PTPRO: variants seen among roughly 807,000 people sequenced by gnomAD.
PTPRO encodes the protein receptor-type tyrosine-protein phosphatase O.
A neutral mutation model predicts 145.2 loss-of-function variants in PTPRO; 62 were observed. That is an observed-to-expected ratio of 0.43 (90% CI 0.35 to 0.53). PTPRO has a LOEUF of 0.53. Ranked by LOEUF, PTPRO falls within the 20% of genes least tolerant of loss-of-function variation. The pLI, the probability that PTPRO is intolerant of heterozygous loss-of-function variation, is 0.01. For missense variants in PTPRO, 1,345 were observed against 1,482.7 expected, an observed-to-expected ratio of 0.91 and a Z score of 1.53; for synonymous variants, 565 against 514.7, an observed-to-expected ratio of 1.10 and a Z score of -1.32.
At chr12:15,367,606 G>A (rs933363431) in intron 1 of PTPRO, among the ~76,000 whole-genome samples, 11 of 152,144 alleles carry the variant, frequency 7.2e-5, no homozygotes, top group African/African-American at 2.7e-4. Flanking sequence ...CCACTTAAAT[G>A]TCTAATAGAT....
In PTPRO at chr12:15,418,807, T is replaced by C. The variant is rs533484528; in HGVS notation, c.76-65167T>C. Among the ~76,000 whole-genome samples, 61 of 151,846 alleles carry C rather than the reference T, an allele frequency of 4.0e-4. 3 individuals are homozygous for C. The highest frequency in any genetic ancestry group is 6.6e-4 in the Non-Finnish European group (45 of 68,030). On this transcript the variant is annotated intron_variant, in intron 1 of 26. Coordinates refer to ENST00000281171, the MANE Select transcript of PTPRO (RefSeq NM_030667.3). Reference sequence around the variant, plus strand: ...AGATTCTTACTTTAACATCTTTTTTTTCCCCTAAGCCTAATGTGCTTCCAA... The same window carrying C: ...AGATTCTTACTTTAACATCTTTTTTCTCCCCTAAGCCTAATGTGCTTCCAA...
At chr12:15,546,290 AC>A (rs1943286801) in intron 12 of PTPRO, 1 of 1,187,124 alleles carries the variant, frequency 8.4e-7, no homozygotes, top group Non-Finnish European at 1.1e-6. Flanking sequence ...TGACACAGAA[AC>A]TATTAATAGA....
chr12:15,508,099 T>C (rs1443571946), intron 6 of PTPRO, among the ~76,000 whole-genome samples: 2 of 152,168 alleles, frequency 1.3e-5, no homozygotes, highest in Non-Finnish European at 2.9e-5. Context: ...TCTAATATAA[T>C]CACAGCCTGC....
chr12:15,550,961 C>T (rs1478648654), intron 14 of PTPRO, among the ~76,000 whole-genome samples: 2 of 152,182 alleles, frequency 1.3e-5, no homozygotes, highest in African/African-American at 4.8e-5. Context: ...GCCCTACAAC[C>T]TATTAATAGG....
At chr12:15,472,978 C>A (rs1356674730) in intron 1 of PTPRO, among the ~76,000 whole-genome samples, 2 of 152,290 alleles carry the variant, frequency 1.3e-5, no homozygotes, top group Middle Eastern at 3.4e-3. Flanking sequence ...TGGCTTAGTC[C>A]ACATGAGCAT....
intron 1 of PTPRO, among the ~76,000 whole-genome samples, chr12:15,339,428 A>C (rs1866893907): frequency 6.6e-6 from 1 of 152,196 alleles, no homozygotes; most frequent in African/African-American, 2.4e-5. Flanking sequence ...GAAACATTAA[A>C]ATGAGCTTTA....
At chr12:15,526,087 G>A in intron 11 of PTPRO, 55 bp from the exon 12 acceptor site, 6 of 1,610,248 alleles carry the variant, frequency 3.7e-6, no homozygotes, top group Non-Finnish European at 5.1e-6. Flanking sequence ...TGTTTGGGGT[G>A]GTGCACTGAT....
intron 1 of PTPRO, among the ~76,000 whole-genome samples, chr12:15,435,928 A>C (rs952751642): frequency 6.6e-6 from 1 of 152,220 alleles, no homozygotes; most frequent in African/African-American, 2.4e-5. Flanking sequence ...TACTTTTTAA[A>C]CTATCTGTGG....
At chr12:15,434,344 C>A (rs989144610) in intron 1 of PTPRO, among the ~76,000 whole-genome samples, 1 of 152,272 alleles carries the variant, frequency 6.6e-6, no homozygotes, top group Non-Finnish European at 1.5e-5. Context: ...TTTTCATACA[C>A]AAGCCACAGA....
intron 12 of PTPRO, among the ~76,000 whole-genome samples, chr12:15,539,904 AAATATTTGCCTG>A (rs2135537640): frequency 6.6e-6 from 1 of 150,862 alleles, no homozygotes; most frequent in South Asian, 2.1e-4. Flanking sequence ...TTCAGGTGCT[AAATATTTGCCTG>A]AATTTTTTTT....
chr12:15,559,398 T>C (rs763506689), intron 16 of PTPRO, among the ~76,000 whole-genome samples: 1 of 152,178 alleles, frequency 6.6e-6, no homozygotes, highest in Non-Finnish European at 1.5e-5. Flanking sequence ...AGAATAACTA[T>C]AGATGCAGTC....
intron 1 of PTPRO, among the ~76,000 whole-genome samples, chr12:15,440,992 C>A (rs1381169425): frequency 6.6e-6 from 1 of 152,182 alleles, no homozygotes; most frequent in Non-Finnish European, 1.5e-5. Flanking sequence ...TGAACTTAAA[C>A]TCAACACTTG....
chr12:15,468,313 T>G lies in PTPRO; in HGVS notation c.76-15661T>G, dbSNP rs1487432350. 4.6e-5 allele frequency among the ~76,000 whole-genome samples: 7 copies of G among 152,348 alleles called. No homozygotes were observed. In the South Asian group the frequency reaches 1.4e-3, roughly 32 times the overall value. ...GGTAAATCAGATCATCCCACACCCC[T>G]GCTGAATAACCCATAAGTGTCTTCC... On this transcript the variant is annotated intron_variant, in intron 1 of 26. Transcript: ENST00000281171.
At chr12:15,435,929 C>T (rs922316435) in intron 1 of PTPRO, among the ~76,000 whole-genome samples, 1 of 152,196 alleles carries the variant, frequency 6.6e-6, no homozygotes, top group Admixed American at 6.5e-5. Flanking sequence ...ACTTTTTAAA[C>T]TATCTGTGGC....
In PTPRO at chr12:15,597,104, T is replaced by TCAAA. The variant is rs1944674234; in HGVS notation, c.*1032_*1035dup. On this transcript the variant is annotated 3_prime_UTR_variant, in exon 27 of 27. Coordinates refer to ENST00000281171, the MANE Select transcript of PTPRO (RefSeq NM_030667.3). ...TTGACTACTTTTTTTTGTAATATTG[T>TCAAA]CAAATGTCTCTATGGATTCTGACAG... 1 of 152,642 alleles carries TCAAA rather than the reference T, an allele frequency of 6.6e-6. No individual in the cohort carries two copies. The highest frequency in any genetic ancestry group is 2.4e-5 in the African/African-American group (1 of 41,478). 9.5% of individuals were successfully genotyped at this position (152,642 alleles called of 1,614,324 possible). A position where few individuals can be genotyped will look rare whatever the true frequency, so the allele number is the denominator to read the frequency against.
chr12:15,440,331 C>T lies in PTPRO; in HGVS notation c.76-43643C>T, dbSNP rs747573458. On this transcript the variant is annotated intron_variant, in intron 1 of 26. Coordinates refer to ENST00000281171, the MANE Select transcript of PTPRO (RefSeq NM_030667.3). ...ACCATGTCTCCCTATCAGGAATTCACTGAGCACTTCTTCAAGACCCACACC... is the reference window on the plus strand; with the variant it reads ...ACCATGTCTCCCTATCAGGAATTCATTGAGCACTTCTTCAAGACCCACACC... The T allele has an allele frequency of 1.0e-4, 49 of 468,106 alleles. No individual in the cohort carries two copies. The Middle Eastern group carries it at 3.7e-3, about 36-fold the overall frequency. 29.0% of individuals were successfully genotyped at this position (468,106 alleles called of 1,614,324 possible).
At chr12:15,520,142 T>C (rs1288223595) in intron 9 of PTPRO, 59 bp from the exon 10 acceptor site, 1 of 1,149,554 alleles carries the variant, frequency 8.7e-7, no homozygotes, top group African/African-American at 1.5e-5. Flanking sequence ...GTAAGTCTAC[T>C]CCAAAAATAG....
intron 1 of PTPRO, among the ~76,000 whole-genome samples, chr12:15,352,060 G>A (rs937588242): frequency 5.3e-5 from 8 of 152,162 alleles, no homozygotes; most frequent in African/African-American, 1.9e-4. Flanking sequence ...GACCCTCTTT[G>A]TGGATGCACT....
chr12:15,332,112 T>C (rs1866630625), intron 1 of PTPRO, among the ~76,000 whole-genome samples: 1 of 152,026 alleles, frequency 6.6e-6, no homozygotes, highest in Non-Finnish European at 1.5e-5. Context: ...ATTACAGGCA[T>C]GCACCAGCCT....
Sources: gnomAD v4.1 joint callset for allele counts (sites outside exome capture counted in the v4.1 genomes callset) on GRCh38, gnomAD v4.1.1 for gene constraint, MANE v1.5 for transcripts, NCBI Gene and HGNC (gene_info 2026-07-23, HGNC 2026-07-21) for gene names.